THRB: variants seen among roughly 807,000 people sequenced by gnomAD.
THRB encodes the protein nuclear receptor subfamily 1 group A member 2.
A neutral mutation model predicts 47.8 loss-of-function variants in THRB; 12 were observed. That is an observed-to-expected ratio of 0.25 (90% CI 0.16 to 0.41). The LOEUF is 0.41. THRB is among the 10% of genes least tolerant of loss of function. The pLI, the probability that THRB is intolerant of heterozygous loss-of-function variation, is 1.00. For missense variants in THRB, 348 were observed against 589.2 expected, an observed-to-expected ratio of 0.59 and a Z score of 4.24; for synonymous variants, 218 against 212.2, an observed-to-expected ratio of 1.03 and a Z score of -0.24.
At chr3:24,212,701 A>G (rs139765482) in intron 4 of THRB, among the ~76,000 whole-genome samples, 47 of 152,190 alleles carry the variant, frequency 3.1e-4, no homozygotes, top group African/African-American at 1.0e-3. Flanking sequence ...TATTATGCTG[A>G]CACAGAACAC....
chr3:24,363,735 T>C (rs1413121471), intron 1 of THRB, among the ~76,000 whole-genome samples: 1 of 152,130 alleles, frequency 6.6e-6, no homozygotes, highest in African/African-American at 2.4e-5. Flanking sequence ...ACAAGAAATA[T>C]ACTAGTGACT....
chr3:24,487,594 AGAAGGGACT>A (rs999628959), intron 1 of THRB, among the ~76,000 whole-genome samples: 4 of 152,218 alleles, frequency 2.6e-5, no homozygotes, highest in African/African-American at 9.7e-5. Flanking sequence ...AGGAGCAAGT[AGAAGGGACT>A]GAAAACAATG....
At chr3:24,416,658 T>C (rs1472778235) in intron 1 of THRB, among the ~76,000 whole-genome samples, 1 of 151,898 alleles carries the variant, frequency 6.6e-6, no homozygotes, top group African/African-American at 2.4e-5. Context: ...CCTATTAACC[T>C]CGTTCTATCC....
At chr3:24,270,361 C>T (rs575790567) in intron 3 of THRB, among the ~76,000 whole-genome samples, 2 of 152,282 alleles carry the variant, frequency 1.3e-5, no homozygotes, top group East Asian at 3.9e-4. Flanking sequence ...CACTCCCTGA[C>T]TCACTTTAAA....
chr3:24,379,631 C>A (rs556793919), intron 1 of THRB, among the ~76,000 whole-genome samples: 2 of 151,916 alleles, frequency 1.3e-5, no homozygotes, highest in East Asian at 3.9e-4. Flanking sequence ...AAAGGTGACT[C>A]GGCAAGTAGA....
chr3:24,434,358 T>C (rs958254068), intron 1 of THRB, among the ~76,000 whole-genome samples: 1 of 152,160 alleles, frequency 6.6e-6, no homozygotes, highest in African/African-American at 2.4e-5. Context: ...CTGCCAAGGC[T>C]CTTATCCTCC....
intron 4 of THRB, among the ~76,000 whole-genome samples, chr3:24,198,809 A>C (rs1216566122): frequency 3.9e-5 from 6 of 152,154 alleles, no homozygotes; most frequent in Admixed American, 3.9e-4. Context: ...TCAACAATTT[A>C]AGCCTGCAAA....
chr3:24,405,004 C>A (rs773859577), intron 1 of THRB, among the ~76,000 whole-genome samples: 22 of 151,972 alleles, frequency 1.4e-4, no homozygotes, highest in Non-Finnish European at 2.5e-4. Context: ...CCTTGTGAAT[C>A]CAAGAGTAAC....
intron 1 of THRB, among the ~76,000 whole-genome samples, chr3:24,467,574 G>C (rs1422460482): frequency 6.6e-6 from 1 of 152,206 alleles, no homozygotes; most frequent in East Asian, 1.9e-4. Flanking sequence ...TGTTGTGTTA[G>C]CAGACATGAA....
At chr3:24,306,049 T>C (rs56174438) in intron 2 of THRB, among the ~76,000 whole-genome samples, 76,510 of 152,054 alleles carry the variant, frequency 0.5, 19,679 homozygotes, top group East Asian at 0.63. Context: ...TAAAAGTCCT[T>C]CAATTTTTGT....
chr3:24,362,867 C>G (rs533777365), intron 1 of THRB, among the ~76,000 whole-genome samples: 1 of 152,086 alleles, frequency 6.6e-6, no homozygotes, highest in Non-Finnish European at 1.5e-5. Context: ...TGTATAATAA[C>G]ATTTGTGACC....
At chr3:24,202,844 T>C (rs542746153) in intron 4 of THRB, among the ~76,000 whole-genome samples, 2 of 152,308 alleles carry the variant, frequency 1.3e-5, no homozygotes, top group Non-Finnish European at 2.9e-5. Context: ...GCTACTTTCA[T>C]AACACCTTTG....
In THRB at chr3:24,478,688, C is replaced by A. The variant is rs547621581; in HGVS notation, c.-261+15964G>T. On this transcript the variant is annotated intron_variant, in intron 1 of 10. Transcript: ENST00000646209. ...CTGGGTGGAGTAGAATATTGGCCCA[C>A]GGAGCAGGAGGTGTGTCAGAATCAA... Among the ~76,000 whole-genome samples the A allele has an allele frequency of 2.2e-4, 34 of 152,002 alleles. 1 individual carries two copies. In the South Asian group the frequency reaches 7.1e-3, roughly 32 times the overall value.
chr3:24,314,806 G>A (rs776167677), intron 2 of THRB, among the ~76,000 whole-genome samples: 8 of 152,054 alleles, frequency 5.3e-5, no homozygotes, highest in Non-Finnish European at 8.8e-5. Flanking sequence ...TGGTACTCGA[G>A]GAAACTAAAT....
In THRB at chr3:24,246,964, T is replaced by C. The variant is rs1448919992; in HGVS notation, c.-42-17963A>G. On this transcript the variant is annotated intron_variant, in intron 3 of 10. Transcript: ENST00000646209. ...AATTCATGTAATTTGAAAACAAAGA[T>C]TACCAGAGAAAGAGGAATTAATCTC... 2.6e-5 allele frequency among the ~76,000 whole-genome samples: 4 copies of C among 152,270 alleles called. No individual in the cohort carries two copies. In the East Asian group the frequency reaches 5.8e-4, roughly 22 times the overall value.
intron 6 of THRB, among the ~76,000 whole-genome samples, chr3:24,151,319 C>G (rs2036900126): frequency 6.6e-6 from 1 of 152,100 alleles, no homozygotes; most frequent in Non-Finnish European, 1.5e-5. Flanking sequence ...TGAAACTGAG[C>G]TAACATGTTG....
intron 4 of THRB, among the ~76,000 whole-genome samples, chr3:24,223,885 T>C (rs1452261720): frequency 7.0e-6 from 1 of 143,440 alleles, no homozygotes; most frequent in African/African-American, 2.6e-5. Flanking sequence ...CACCAATCAA[T>C]GTGTGTGTGG....
Position 24,220,797 on chromosome 3 carries a change from C to CAAA in THRB, c.22+8138_22+8140dup, listed in dbSNP as rs1368551143. Among the ~76,000 whole-genome samples, 831 of 96,636 alleles carry CAAA rather than the reference C, an allele frequency of 8.6e-3. 4 individuals are homozygous for CAAA. The highest frequency in any genetic ancestry group is 0.065 in the South Asian group (187 of 2,858). 63.4% of individuals were successfully genotyped at this position (96,636 alleles called of 152,430 possible). ...ACAAAGAACTTCAGTCAAGGTTAAA[C>CAAA]AAAAGAAAAAAAAAAAAAGAAAGAA... On this transcript the variant is annotated intron_variant, in intron 4 of 10. Coordinates refer to ENST00000646209, the MANE Select transcript of THRB (RefSeq NM_001354712.2).
intron 5 of THRB, among the ~76,000 whole-genome samples, chr3:24,174,094 G>A (rs10222508): frequency 0.4 from 61,428 of 151,820 alleles, 12,644 homozygotes; most frequent in South Asian, 0.57. Flanking sequence ...ATAGGTATAC[G>A]TGTGCCATGG....
Sources: gnomAD v4.1 joint callset for allele counts (sites outside exome capture counted in the v4.1 genomes callset) on GRCh38, gnomAD v4.1.1 for gene constraint, MANE v1.5 for transcripts, NCBI Gene and HGNC (gene_info 2026-07-23, HGNC 2026-07-21) for gene names.